The following TPRG1 variants were observed in gnomAD, a reference collection of about 807,000 sequenced individuals.
TPRG1 encodes the protein tumor protein p63 regulated 1.
A neutral mutation model predicts 29.3 loss-of-function variants in TPRG1; 29 were observed. The observed-to-expected ratio is 0.99, with a 90% CI of 0.74 to 1.35. TPRG1 has a LOEUF of 1.35. TPRG1 is among the 40% of genes most tolerant of loss of function. The pLI is 0.00. For synonymous variants in TPRG1, 130 were observed against 116.8 expected, an observed-to-expected ratio of 1.11 and a Z score of -0.73; for missense variants, 327 against 335.0, an observed-to-expected ratio of 0.98 and a Z score of 0.19.
intron 5 of TPRG1, among the ~76,000 whole-genome samples, chr3:189,318,238 G>A (rs1723867424): frequency 3.3e-5 from 5 of 152,114 alleles, no homozygotes; most frequent in Admixed American, 6.6e-5. Context: ...AAGATTGTCT[G>A]GCCTAAAATA....
chr3:189,000,180 T>A (rs1382777524), intron 1 of TPRG1, among the ~76,000 whole-genome samples: 1 of 152,224 alleles, frequency 6.6e-6, no homozygotes, highest in South Asian at 2.1e-4. Flanking sequence ...AGTATTTGGA[T>A]TTTTCTTTTT....
chr3:189,002,788 T>C (rs1284062827), intron 2 of TPRG1, among the ~76,000 whole-genome samples: 1 of 152,190 alleles, frequency 6.6e-6, no homozygotes, highest in African/African-American at 2.4e-5. Context: ...TAGTAGGAGC[T>C]TGCTCTGAAC....
chr3:189,060,466 T>G (rs1027052163), intron 4 of TPRG1, among the ~76,000 whole-genome samples: 6 of 152,034 alleles, frequency 3.9e-5, no homozygotes, highest in Non-Finnish European at 7.4e-5. Flanking sequence ...GAGAAAGAAA[T>G]AAACAGCATC....
intron 3 of TPRG1, among the ~76,000 whole-genome samples, chr3:189,235,689 C>T (rs1029268818): frequency 6.6e-6 from 1 of 152,154 alleles, no homozygotes; most frequent in Non-Finnish European, 1.5e-5. Flanking sequence ...ACCATGTTTA[C>T]AAACCACACT....
At chr3:189,002,071 AG>A (rs1269880568) in intron 2 of TPRG1, among the ~76,000 whole-genome samples, 1 of 152,214 alleles carries the variant, frequency 6.6e-6, no homozygotes, top group Non-Finnish European at 1.5e-5. Context: ...GCTTAAGATT[AG>A]GTCTTTTGGA....
At chr3:189,273,880 A>T (rs1715647467) in intron 4 of TPRG1, among the ~76,000 whole-genome samples, 1 of 152,144 alleles carries the variant, frequency 6.6e-6, no homozygotes, top group South Asian at 2.1e-4. Flanking sequence ...AACCCACAGA[A>T]ATTGTGAATG....
intron 1 of TPRG1, among the ~76,000 whole-genome samples, chr3:189,101,214 G>C (rs1339127999): frequency 6.6e-6 from 1 of 152,014 alleles, no homozygotes; most frequent in Non-Finnish European, 1.5e-5. Context: ...CACAGTTTTA[G>C]TCTCTTTATA....
At chr3:189,152,503 T>A (rs1726066537) in intron 5 of TPRG1, among the ~76,000 whole-genome samples, 1 of 152,170 alleles carries the variant, frequency 6.6e-6, no homozygotes, top group Non-Finnish European at 1.5e-5. Flanking sequence ...TAGGAATGTT[T>A]CATTTGGTAG....
At chr3:189,009,525 T>C (rs999983881) in intron 3 of TPRG1, among the ~76,000 whole-genome samples, 1 of 152,080 alleles carries the variant, frequency 6.6e-6, no homozygotes, top group African/African-American at 2.4e-5. Context: ...TCTTTTCCCC[T>C]CCAATTGTAA....
At chr3:189,202,758 T>TG (rs1252448033) in intron 1 of TPRG1, among the ~76,000 whole-genome samples, 2 of 152,138 alleles carry the variant, frequency 1.3e-5, no homozygotes, top group African/African-American at 4.8e-5. Flanking sequence ...AAAGGCTTCA[T>TG]TCAGCCTGCA....
chr3:189,257,283 T>G (rs1209552759), intron 4 of TPRG1, among the ~76,000 whole-genome samples: 1 of 152,230 alleles, frequency 6.6e-6, no homozygotes, highest in Non-Finnish European at 1.5e-5. Flanking sequence ...TGGCTGGATA[T>G]GAAATTCTGG....
At chr3:189,224,911 A>G (rs1385500112) in intron 3 of TPRG1, among the ~76,000 whole-genome samples, 1 of 150,136 alleles carries the variant, frequency 6.7e-6, no homozygotes, top group African/African-American at 2.5e-5. Flanking sequence ...AGAGCCACCT[A>G]TAGGTGTCTC....
In TPRG1 at chr3:189,238,812, A is replaced by G; in HGVS notation, c.382A>G (p.Ile128Val). 1 of 1,613,822 alleles carries G rather than the reference A, an allele frequency of 6.2e-7. No homozygotes were observed. The highest frequency in any genetic ancestry group is 1.3e-5 in the African/African-American group (1 of 75,030). ...TCTCTTGATCTGCAAATACGACTTC[A>G]TCATGCTGAGTTGTGTGCAGCTGCA... The part of the protein sequence containing the change: ...KTLLICKYDF[I>V]MLSCVQLQRI... The change falls in exon 4 of 6, where the codon ATC becomes GTC. Residue 128 changes from isoleucine to valine, a missense_variant. Physicochemically the swap from Ile to Val is conservative, Grantham distance 29 (BLOSUM62 3). Coordinates refer to ENST00000345063, the MANE Select transcript of TPRG1 (RefSeq NM_198485.4).
chr3:189,291,788 T>G (rs1201807304), intron 4 of TPRG1, among the ~76,000 whole-genome samples: 1 of 152,192 alleles, frequency 6.6e-6, no homozygotes, highest in Non-Finnish European at 1.5e-5. Context: ...ACAACCCTGA[T>G]CATTAAGCAG....
chr3:189,188,757 T>C (rs1386884585), intron 1 of TPRG1, among the ~76,000 whole-genome samples: 1 of 152,202 alleles, frequency 6.6e-6, no homozygotes, highest in Non-Finnish European at 1.5e-5. Context: ...TCTTGTAAGA[T>C]AAGCCTTGCC....
intron 1 of TPRG1, among the ~76,000 whole-genome samples, chr3:189,199,945 GCAAA>G (rs980878830): frequency 7.9e-5 from 12 of 152,142 alleles, no homozygotes; most frequent in African/African-American, 2.9e-4. Context: ...AGCACAACTT[GCAAA>G]CAATCAAGTC....
chr3:189,313,864 A>C (rs763174152), intron 5 of TPRG1, among the ~76,000 whole-genome samples: 1 of 152,182 alleles, frequency 6.6e-6, no homozygotes, highest in African/African-American at 2.4e-5. Context: ...GTAGAGGTAC[A>C]TGAGAGTATG....
At chr3:189,140,415 G>C (rs1724389293) in intron 3 of TPRG1, among the ~76,000 whole-genome samples, 1 of 152,044 alleles carries the variant, frequency 6.6e-6, no homozygotes, top group Non-Finnish European at 1.5e-5. Context: ...ACAACTTACA[G>C]CATTATAGGG....
At chr3:189,159,279 C>A (rs887294388) in intron 5 of TPRG1, among the ~76,000 whole-genome samples, 1 of 152,056 alleles carries the variant, frequency 6.6e-6, no homozygotes, top group African/African-American at 2.4e-5. Flanking sequence ...CAAGAGCAGA[C>A]CCAACTCTGG....
Sources: allele counts gnomAD v4.1 joint callset (sites outside exome capture counted in the v4.1 genomes callset), GRCh38; gene constraint gnomAD v4.1.1; transcripts MANE v1.5; gene names NCBI Gene and HGNC (gene_info 2026-07-23, HGNC 2026-07-21).